The following SORCS3 variants were observed in gnomAD, a reference collection of about 807,000 sequenced individuals.
SORCS3 encodes the protein sortilin related VPS10 domain containing receptor 3.
SORCS3 carries 57 observed loss-of-function variants against 146.3 expected under a neutral mutation model. The observed-to-expected ratio is 0.39, with a 90% CI of 0.31 to 0.49. The LOEUF (loss-of-function observed/expected upper bound fraction) is 0.49. Ranked by LOEUF, SORCS3 falls within the 20% of genes least tolerant of loss-of-function variation. The pLI, the probability that SORCS3 is intolerant of heterozygous loss-of-function variation, is 0.92. For missense variants in SORCS3, 1,341 were observed against 1,575.5 expected (o/e 0.85, Z 2.52); for synonymous variants, 653 against 618.5 (o/e 1.06, Z -0.83).
chr10:104,777,513 C>T (rs2017323486), intron 1 of SORCS3, among the ~76,000 whole-genome samples: 1 of 152,188 alleles, frequency 6.6e-6, no homozygotes, highest in South Asian at 2.1e-4. Context: ...TTTCCTACCT[C>T]CCATCTGGGT....
At chr10:104,961,552 A>T (rs2054796336) in intron 3 of SORCS3, among the ~76,000 whole-genome samples, 1 of 152,168 alleles carries the variant, frequency 6.6e-6, no homozygotes. Flanking sequence ...AATTACTGGA[A>T]ATAAATATCT....
chr10:105,110,187 T>G (rs1488887829), intron 7 of SORCS3, among the ~76,000 whole-genome samples: 1 of 151,744 alleles, frequency 6.6e-6, no homozygotes. Flanking sequence ...TTTGTTTAAC[T>G]TCTTTTCTGA....
In SORCS3 at chr10:105,263,379, A is replaced by G. The variant is rs1380709477; in HGVS notation, c.*5A>G. ...CCCAACTGCACTAGTGTTTAATACC[A>G]GCAAGCCACGTGGTCAACCACCTTT... On this transcript the variant is annotated 3_prime_UTR_variant, in exon 27 of 27. Transcript: ENST00000369701. The G allele has an allele frequency of 3.1e-6, 5 of 1,613,838 alleles. No homozygotes were observed. The African/African-American group carries it at 4.0e-5, about 13-fold the overall frequency.
chr10:104,813,113 T>C (rs2017757789), intron 1 of SORCS3, among the ~76,000 whole-genome samples: 1 of 152,170 alleles, frequency 6.6e-6, no homozygotes, highest in Non-Finnish European at 1.5e-5. Context: ...TCCACCACCC[T>C]CCAGGCTCCC....
chr10:104,921,869 G>A (rs1203780754), intron 3 of SORCS3, among the ~76,000 whole-genome samples: 2 of 152,020 alleles, frequency 1.3e-5, no homozygotes, highest in Admixed American at 1.3e-4. Flanking sequence ...TGTTGCCTGG[G>A]GTTTTCTGTT....
intron 25 of SORCS3, among the ~76,000 whole-genome samples, chr10:105,261,107 A>G (rs2056957818): frequency 6.6e-6 from 1 of 152,214 alleles, no homozygotes; most frequent in Non-Finnish European, 1.5e-5. Context: ...GACCTTGCCT[A>G]CATGGGGCTG....
intron 5 of SORCS3, among the ~76,000 whole-genome samples, chr10:105,077,283 T>G (rs1162023431): frequency 6.6e-6 from 1 of 152,204 alleles, no homozygotes; most frequent in African/African-American, 2.4e-5. Flanking sequence ...TCTTCTATTT[T>G]ATGAAACATT....
intron 2 of SORCS3, among the ~76,000 whole-genome samples, chr10:104,880,457 T>C (rs1423638436): frequency 6.6e-6 from 1 of 152,194 alleles, no homozygotes; most frequent in African/African-American, 2.4e-5. Flanking sequence ...TGCTCAGGCA[T>C]GATTGAGTTT....
At position 105,254,249 on chromosome 10, in the gene SORCS3, C is replaced by A. The variant is rs548152790; in HGVS notation, c.3237+1343C>A. On this transcript the variant is annotated intron_variant, in intron 23 of 26. Coordinates refer to ENST00000369701, the MANE Select transcript of SORCS3 (RefSeq NM_014978.3). ...TATGTACCTGCTTTAATCCTGGCAG[C>A]GGCCTACATCCCCTGTGTCTATGAC... Among the ~76,000 whole-genome samples, 16 of 152,298 alleles carry A rather than the reference C, an allele frequency of 1.1e-4. No homozygotes were observed. In the South Asian group the frequency reaches 3.1e-3, roughly 30 times the overall value.
chr10:104,981,754 A>G (rs1227678656), intron 4 of SORCS3, among the ~76,000 whole-genome samples: 2 of 152,222 alleles, frequency 1.3e-5, no homozygotes, highest in Non-Finnish European at 2.9e-5. Context: ...AGATGCATAC[A>G]TCCTGGCACA....
At chr10:105,024,058 C>T (rs1267409370) in intron 4 of SORCS3, among the ~76,000 whole-genome samples, 1 of 152,110 alleles carries the variant, frequency 6.6e-6, no homozygotes, top group Non-Finnish European at 1.5e-5. Context: ...TTATGTTTAT[C>T]TTTGTAATTT....
At chr10:105,243,832 C>T (rs2056850868) in intron 20 of SORCS3, among the ~76,000 whole-genome samples, 1 of 152,104 alleles carries the variant, frequency 6.6e-6, no homozygotes, top group Admixed American at 6.5e-5. Context: ...GTTTCAAGGC[C>T]AGTTGAAAAG....
chr10:105,007,179 C>T (rs2055101490), intron 4 of SORCS3, among the ~76,000 whole-genome samples: 2 of 152,164 alleles, frequency 1.3e-5, no homozygotes, highest in African/African-American at 4.8e-5. Flanking sequence ...AGTGGTTGGG[C>T]ATTTTAACCA....
intron 20 of SORCS3, among the ~76,000 whole-genome samples, chr10:105,230,601 A>C (rs530528520): frequency 1.3e-5 from 2 of 152,260 alleles, no homozygotes; most frequent in East Asian, 3.9e-4. Context: ...CAGTAATGGC[A>C]GCTATGGGTG....
chr10:105,163,844 C>T (rs2056287423), intron 11 of SORCS3, among the ~76,000 whole-genome samples: 1 of 150,794 alleles, frequency 6.6e-6, no homozygotes, highest in Non-Finnish European at 1.5e-5. Flanking sequence ...GACATTCTGA[C>T]AAGTTTCAAA....
intron 2 of SORCS3, among the ~76,000 whole-genome samples, chr10:104,848,948 G>A (rs996265992): frequency 2.6e-5 from 4 of 152,168 alleles, no homozygotes; most frequent in Non-Finnish European, 4.4e-5. Context: ...ATGACTGGCT[G>A]TGCTCTAGAA....
At chr10:104,705,296 C>T (rs2016323930) in intron 1 of SORCS3, among the ~76,000 whole-genome samples, 1 of 144,472 alleles carries the variant, frequency 6.9e-6, no homozygotes, top group South Asian at 2.4e-4. Flanking sequence ...TAACTCACAT[C>T]CATAATACAT....
At chr10:104,951,839 C>T (rs1211555556) in intron 3 of SORCS3, among the ~76,000 whole-genome samples, 1 of 152,152 alleles carries the variant, frequency 6.6e-6, no homozygotes, top group Non-Finnish European at 1.5e-5. Context: ...TCTGGCTAAT[C>T]TTAACCATAG....
intron 1 of SORCS3, among the ~76,000 whole-genome samples, chr10:104,824,806 G>A (rs2017916575): frequency 1.3e-5 from 2 of 152,166 alleles, no homozygotes; most frequent in Admixed American, 1.3e-4. Context: ...AAATTGTTTG[G>A]CTGGGAGCTC....
Sources: gnomAD v4.1 joint callset for allele counts (sites outside exome capture counted in the v4.1 genomes callset) on GRCh38, gnomAD v4.1.1 for gene constraint, MANE v1.5 for transcripts, NCBI Gene and HGNC (gene_info 2026-07-23, HGNC 2026-07-21) for gene names.